Variants in ACCSL observed in about 807,000 individuals in gnomAD.
ACCSL encodes probable inactive 1-aminocyclopropane-1-carboxylate synthase-like protein 2.
ACCSL carries 55 observed loss-of-function variants against 61.7 expected under a neutral mutation model. The ratio of observed to expected loss-of-function variants is 0.89; its 90% CI spans 0.72 to 1.12. The LOEUF is 1.12. Among genes scored for constraint, ACCSL ranks in the 50% most tolerant of loss-of-function variants. The pLI is 0.00. For missense variants in ACCSL, 632 were observed against 698.0 expected (o/e 0.91, Z 1.07); for synonymous variants, 258 against 264.3 (o/e 0.98, Z 0.23).
chr11:43,953,520 CAA>C, the ACCSL span, among the ~76,000 whole-genome samples: 65 of 75,460 alleles, frequency 8.6e-4, no homozygotes, highest in East Asian at 1.1e-3. Context: ...GACTCTGACT[CAA>C]AAAAAAAAAA....
At chr11:43,954,773 CG>C in the ACCSL span, among the ~76,000 whole-genome samples, 1 of 151,896 alleles carries the variant, frequency 6.6e-6, no homozygotes, top group Non-Finnish European at 1.5e-5. Context: ...TTAGTAGAGA[CG>C]GGGTTTCTCC....
chr11:44,017,376 T>C, the ACCSL span, among the ~76,000 whole-genome samples: 2,304 of 152,168 alleles, frequency 0.015, 60 homozygotes, highest in East Asian at 0.055. Context: ...GGCATTCACA[T>C]TGTGATCTCT....
chr11:43,986,523 C>G, the ACCSL span, among the ~76,000 whole-genome samples: 120 of 152,166 alleles, frequency 7.9e-4, 2 homozygotes, highest in Non-Finnish European at 2.5e-4. Context: ...GGTGCTCCAG[C>G]CACCCACTGT....
intron 13 of ACCSL, among the ~76,000 whole-genome samples, chr11:44,059,527 A>G (rs1412962530): frequency 6.6e-6 from 1 of 152,270 alleles, no homozygotes; most frequent in African/African-American, 2.4e-5. Context: ...GAGCTAGCAT[A>G]GAAGATAGGC....
the ACCSL span, among the ~76,000 whole-genome samples, chr11:43,979,860 A>AG: frequency 7.9e-6 from 1 of 126,564 alleles, no homozygotes; most frequent in East Asian, 2.3e-4. Flanking sequence ...AAAAAAAAAA[A>AG]AAAAAGAAAA....
the ACCSL span, among the ~76,000 whole-genome samples, chr11:43,986,522 G>A: frequency 2.6e-5 from 4 of 152,120 alleles, no homozygotes; most frequent in African/African-American, 9.7e-5. Flanking sequence ...GGGTGCTCCA[G>A]CCACCCACTG....
the ACCSL span, among the ~76,000 whole-genome samples, chr11:43,993,116 C>T: frequency 9.2e-5 from 14 of 152,182 alleles, no homozygotes; most frequent in Admixed American, 8.5e-4. Context: ...AGGGCAGACC[C>T]GCAGACCTCA....
the ACCSL span, among the ~76,000 whole-genome samples, chr11:44,034,017 G>C: frequency 6.6e-6 from 1 of 152,110 alleles, no homozygotes; most frequent in Admixed American, 6.5e-5. Context: ...TGGAGGGAGA[G>C]GGGTCAAGCC....
chr11:43,971,597 G>C, the ACCSL span: 1 of 152,192 alleles, frequency 6.6e-6, no homozygotes, highest in African/African-American at 2.4e-5. Flanking sequence ...ATGTGAGTGG[G>C]ACAGATAAAC....
the ACCSL span, among the ~76,000 whole-genome samples, chr11:43,939,112 A>G: frequency 7.2e-5 from 11 of 152,248 alleles, no homozygotes; most frequent in Non-Finnish European, 1.6e-4. Context: ...GCTAAAAGCA[A>G]CATCAAGCAG....
the ACCSL span, among the ~76,000 whole-genome samples, chr11:44,016,921 C>T: frequency 2.4e-3 from 371 of 152,290 alleles, 2 homozygotes; most frequent in African/African-American, 8.5e-3. Flanking sequence ...CTTATAGAGA[C>T]CCCTCCAGCA....
At chr11:44,051,296 G>A (rs1266510235) in intron 3 of ACCSL, 39 bp from the exon 4 acceptor site, 1 of 1,610,426 alleles carries the variant, frequency 6.2e-7, no homozygotes, top group South Asian at 1.1e-5. Flanking sequence ...TGAGGAAAGG[G>A]GCCCGGAAGC....
the ACCSL span, among the ~76,000 whole-genome samples, chr11:43,956,574 C>T: frequency 6.6e-6 from 1 of 152,168 alleles, no homozygotes. Context: ...CACGTGCCAC[C>T]ACACCCGGCT....
the ACCSL span, among the ~76,000 whole-genome samples, chr11:43,934,365 G>A: frequency 1.3e-5 from 2 of 152,160 alleles, no homozygotes; most frequent in South Asian, 2.1e-4. Flanking sequence ...GGGACAGGGG[G>A]CAGGACCACC....
chr11:43,937,622 T>G, the ACCSL span, among the ~76,000 whole-genome samples: 1 of 152,198 alleles, frequency 6.6e-6, no homozygotes, highest in African/African-American at 2.4e-5. Context: ...CTCTTTCCAG[T>G]GCTGGACTGT....
At chr11:43,926,747 T>C in the ACCSL span, among the ~76,000 whole-genome samples, 1 of 152,226 alleles carries the variant, frequency 6.6e-6, no homozygotes, top group African/African-American at 2.4e-5. Flanking sequence ...ACTCTTTACA[T>C]TGGTGTGTGT....
chr11:44,005,877 A>G, the ACCSL span, among the ~76,000 whole-genome samples: 1 of 152,216 alleles, frequency 6.6e-6, no homozygotes, highest in Non-Finnish European at 1.5e-5. Context: ...AGGGTCAAAT[A>G]GCTGCTAAGT....
the ACCSL span, among the ~76,000 whole-genome samples, chr11:43,988,858 G>A: frequency 0.47 from 65,445 of 138,914 alleles, 15,531 homozygotes; most frequent in Middle Eastern, 0.56. Context: ...CTGGACTTGA[G>A]CTCCTGGGCT....
At chr11:44,046,795 A>G (rs553341243), upstream of ACCSL, among the ~76,000 whole-genome samples, 15 of 152,304 alleles carry the variant, frequency 9.8e-5, no homozygotes, top group African/African-American at 3.6e-4. Flanking sequence ...GGATTGTCTT[A>G]AAGAAGTAGT....
Sources: gnomAD v4.1 joint callset for allele counts (sites outside exome capture counted in the v4.1 genomes callset) on GRCh38, gnomAD v4.1.1 for gene constraint, MANE v1.5 for transcripts, NCBI Gene and HGNC (gene_info 2026-07-23, HGNC 2026-07-21) for gene names.